Variants in TMTC2 observed in about 807,000 individuals in gnomAD.
TMTC2 encodes transmembrane O-mannosyltransferase targeting cadherins 2, also known as protein O-mannosyl-transferase TMTC2.
Under a neutral mutation model 82.4 loss-of-function variants are expected in TMTC2, and 43 were observed. That is an observed-to-expected ratio of 0.52 (90% CI 0.41 to 0.67). The LOEUF (loss-of-function observed/expected upper bound fraction) is 0.67. Ranked by LOEUF, TMTC2 falls within the 30% of genes least tolerant of loss-of-function variation. The pLI is 0.00. For synonymous variants in TMTC2, 408 were observed against 381.9 expected (o/e 1.07, Z -0.80); for missense variants, 919 against 1,012.4 (o/e 0.91, Z 1.25).
At chr12:83,068,527 A>G (rs546449326) in intron 11 of TMTC2, among the ~76,000 whole-genome samples, 1 of 152,214 alleles carries the variant, frequency 6.6e-6, no homozygotes, top group Non-Finnish European at 1.5e-5. Context: ...ACTTTCCACA[A>G]GCTTCTGTGA....
chr12:83,045,707 T>TCACACACACACACACACACGCACA (rs1555208197), intron 9 of TMTC2, among the ~76,000 whole-genome samples: 1 of 122,706 alleles, frequency 8.1e-6, no homozygotes, highest in Non-Finnish European at 1.7e-5. Flanking sequence ...AAGGGCTCCT[T>TCACACACACACACACACACGCACA]CACACACACA....
At chr12:82,954,392 T>G (rs1167169025) in intron 4 of TMTC2, among the ~76,000 whole-genome samples, 1 of 152,232 alleles carries the variant, frequency 6.6e-6, no homozygotes, top group African/African-American at 2.4e-5. Context: ...GTATTGTGAT[T>G]GTTTGCTTGT....
At chr12:83,044,038 C>T (rs1172350428) in intron 9 of TMTC2, among the ~76,000 whole-genome samples, 4 of 152,086 alleles carry the variant, frequency 2.6e-5, no homozygotes, top group African/African-American at 7.2e-5. Context: ...ATCCAGAAAC[C>T]GCCATTCATA....
chr12:82,805,914 A>G (rs767044455), intron 1 of TMTC2, among the ~76,000 whole-genome samples: 17 of 152,178 alleles, frequency 1.1e-4, no homozygotes, highest in Non-Finnish European at 1.9e-4. Flanking sequence ...TTGAACATCT[A>G]GTTGGTGCTA....
intron 11 of TMTC2, among the ~76,000 whole-genome samples, chr12:83,113,943 A>G (rs1446714202): frequency 6.6e-6 from 1 of 152,186 alleles, no homozygotes; most frequent in Non-Finnish European, 1.5e-5. Context: ...ACTCAGTGAA[A>G]CATACTTCTT....
At position 82,836,183 on chromosome 12, in the gene TMTC2, T is replaced by G. The variant is rs189161275; in HGVS notation, c.84-20827T>G. ...GTATATGTTAGTCAGGAAATGATTT[T>G]GATAACCCTTTTAATGGGCTTGGTT... On this transcript the variant is annotated intron_variant, in intron 1 of 11. Coordinates refer to ENST00000321196, the MANE Select transcript of TMTC2 (RefSeq NM_152588.3). 9.3e-4 allele frequency among the ~76,000 whole-genome samples: 142 copies of G among 152,320 alleles called. 1 individual carries two copies. Among genetic ancestry groups the G allele is most frequent in the Admixed American group, 7.8e-3 (119 of 15,312 alleles).
chr12:82,718,823 G>A (rs1196561139), intron 1 of TMTC2, among the ~76,000 whole-genome samples: 1 of 143,086 alleles, frequency 7.0e-6, no homozygotes, highest in Non-Finnish European at 1.6e-5. Flanking sequence ...AAAATAGGAA[G>A]TTTTAGACAA....
At chr12:83,104,978 A>G (rs2137537821) in intron 11 of TMTC2, among the ~76,000 whole-genome samples, 1 of 152,212 alleles carries the variant, frequency 6.6e-6, no homozygotes, top group African/African-American at 2.4e-5. Context: ...TGAACACTTT[A>G]CTGCTTAGAA....
intron 4 of TMTC2, among the ~76,000 whole-genome samples, chr12:82,936,415 A>G (rs1386904501): frequency 1.3e-5 from 2 of 152,084 alleles, no homozygotes; most frequent in African/African-American, 4.8e-5. Flanking sequence ...ACAAAACAGA[A>G]CAAAAAGCAA....
At chr12:82,703,756 G>A (rs1873210967) in intron 1 of TMTC2, among the ~76,000 whole-genome samples, 1 of 152,062 alleles carries the variant, frequency 6.6e-6, no homozygotes, top group Non-Finnish European at 1.5e-5. Flanking sequence ...CAAAGTGCTG[G>A]GATTACAGGC....
At chr12:82,729,356 G>T (rs1874640607) in intron 1 of TMTC2, among the ~76,000 whole-genome samples, 1 of 152,196 alleles carries the variant, frequency 6.6e-6, no homozygotes, top group African/African-American at 2.4e-5. Context: ...CTCTGGTGGG[G>T]ACTTGGAGAA....
Position 82,687,403 on chromosome 12 carries a change from A to G in TMTC2, c.-184A>G. 1.6e-6 allele frequency: 1 copy of G among 606,068 alleles called. No individual in the cohort carries two copies. Among genetic ancestry groups the G allele is most frequent in the Non-Finnish European group, 2.9e-6 (1 of 344,650 alleles). 37.5% of individuals were successfully genotyped at this position (606,068 alleles called of 1,614,324 possible). ...CGGGGAGGACGCAGGAGCTGCGGAG[A>G]CGGGCGCGAGGAGGAGGAGAGGAGT... On this transcript the variant is annotated 5_prime_UTR_variant, in exon 1 of 12. Transcript: ENST00000321196.
Position 82,986,204 on chromosome 12 carries a change from A to G in TMTC2, c.2070+158A>G, listed in dbSNP as rs1565840294. 4 of 960,760 alleles carry G rather than the reference A, an allele frequency of 4.2e-6. No homozygotes were observed. The East Asian group carries it at 1.1e-4, about 26-fold the overall frequency. 59.5% of individuals were successfully genotyped at this position (960,760 alleles called of 1,614,324 possible). A position where few individuals can be genotyped will look rare whatever the true frequency, so the allele number is the denominator to read the frequency against. The stretch of plus-strand genomic sequence containing the variant: ...AACCCTGTACAGAAAATATAGAAAA[A>G]TGTGTTACTTTGCCTATGAGGTTTG... On this transcript the variant is annotated intron_variant, in intron 8 of 11. Transcript: ENST00000321196.
intron 8 of TMTC2, among the ~76,000 whole-genome samples, chr12:83,003,327 G>T (rs1296007431): frequency 6.6e-6 from 1 of 152,042 alleles, no homozygotes; most frequent in Non-Finnish European, 1.5e-5. Context: ...CTGTGAAACA[G>T]ATCTCTTGAA....
rs372197369 is a variant in TMTC2, at chr12:83,075,192, A to G, written c.2331+13361A>G. ...CAGGAGAGGAGGGTCTCCCTTTCCT[A>G]CTTCCACAGTTGGGGCACTCACAGT... On this transcript the variant is annotated intron_variant, in intron 11 of 11. Coordinates refer to ENST00000321196, the MANE Select transcript of TMTC2 (RefSeq NM_152588.3). 5.9e-5 allele frequency among the ~76,000 whole-genome samples: 9 copies of G among 152,066 alleles called. No individual in the cohort carries two copies. The East Asian group carries it at 1.7e-3, about 30-fold the overall frequency.
At chr12:83,018,153 A>C (rs948144978) in intron 8 of TMTC2, among the ~76,000 whole-genome samples, 4 of 152,044 alleles carry the variant, frequency 2.6e-5, no homozygotes, top group African/African-American at 9.7e-5. Flanking sequence ...CCAGTGACAA[A>C]TGGAGGCACT....
At chr12:82,869,937 G>A (rs1872088380) in intron 2 of TMTC2, among the ~76,000 whole-genome samples, 1 of 151,940 alleles carries the variant, frequency 6.6e-6, no homozygotes, top group African/African-American at 2.4e-5. Context: ...GAGAGACAAC[G>A]GTATATTCTA....
chr12:82,727,596 C>G (rs1323480887), intron 1 of TMTC2, among the ~76,000 whole-genome samples: 3 of 151,920 alleles, frequency 2.0e-5, no homozygotes, highest in African/African-American at 7.3e-5. Context: ...TGGCGTGGGC[C>G]TGTAATCCCA....
rs1023934830 is a variant in TMTC2 at position 82,866,273 on chromosome 12, T to G, written c.654+8693T>G. Among the ~76,000 whole-genome samples, 12 of 151,818 alleles carry G rather than the reference T, an allele frequency of 7.9e-5. 1 individual carries two copies. The highest frequency in any genetic ancestry group is 2.7e-4 in the African/African-American group (11 of 41,320). On this transcript the variant is annotated intron_variant, in intron 2 of 11. Transcript: ENST00000321196. Reference sequence around the variant, plus strand: ...AAAAAAAAAAAAAAAACAAAAAACTTTCTTTCTCCTGTGTCCCTTCTCCCA... The same window carrying G: ...AAAAAAAAAAAAAAAACAAAAAACTGTCTTTCTCCTGTGTCCCTTCTCCCA...
Sources: allele counts gnomAD v4.1 joint callset (sites outside exome capture counted in the v4.1 genomes callset), GRCh38; gene constraint gnomAD v4.1.1; transcripts MANE v1.5; gene names NCBI Gene and HGNC (gene_info 2026-07-23, HGNC 2026-07-21).